The following MARCHF7 variants were observed in gnomAD, a reference collection of about 807,000 sequenced individuals.
MARCHF7 encodes the protein membrane associated ring-CH-type finger 7.
Under a neutral mutation model 76.5 loss-of-function variants are expected in MARCHF7, and 20 were observed. The observed-to-expected ratio is 0.26, with a 90% CI of 0.18 to 0.38. The LOEUF is 0.38. Among genes scored for constraint, MARCHF7 ranks in the 10% least tolerant of loss-of-function variants. The probability of loss-of-function intolerance (pLI) is 1.00; values close to 1 mark genes in which losing one functional copy is unlikely to be tolerated. For synonymous variants in MARCHF7, 295 were observed against 293.0 expected (o/e 1.01, Z -0.07); for missense variants, 797 against 812.9 (o/e 0.98, Z 0.24).
intron 7 of MARCHF7, among the ~76,000 whole-genome samples, chr2:159,751,709 T>G (rs1705668722): frequency 6.6e-6 from 1 of 152,210 alleles, no homozygotes; most frequent in Non-Finnish European, 1.5e-5. Context: ...ACTACTTACC[T>G]TATTATATAA....
chr2:159,754,666 A>AG (rs1335994674), intron 8 of MARCHF7, among the ~76,000 whole-genome samples: 1 of 152,176 alleles, frequency 6.6e-6, no homozygotes, highest in Non-Finnish European at 1.5e-5. Context: ...CGAAAAGAGG[A>AG]GAAAGAAGAT....
In MARCHF7 at chr2:159,748,439, A is replaced by AATATCAGGGATTCTT; in HGVS notation, c.1149_1150insATATCAGGGATTCTT (p.Gly383_Pro384insIleSerGlyIleLeu). On this transcript the variant is annotated inframe_insertion, in exon 7 of 12. Transcript: ENST00000409175. ...AAGAATCTGAAGGTAGAAATACAGG[A>AATATCAGGGATTCTT]CCATGGTTATCTTCCTCACTTAGAA... is the stretch of plus-strand genomic sequence containing the variant. 6.2e-7 allele frequency: 1 copy of AATATCAGGGATTCTT among 1,614,134 alleles called. No individual in the cohort carries two copies.
Position 159,759,241 on chromosome 2 carries a change from C to G in MARCHF7, c.1799C>G (p.Ala600Gly). 6.3e-7 allele frequency: 1 copy of G among 1,595,654 alleles called. No individual in the cohort carries two copies. Among genetic ancestry groups the G allele is most frequent in the Non-Finnish European group, 8.5e-7 (1 of 1,170,176 alleles). Residue 600 changes from alanine to glycine, a missense_variant, in exon 9 of 12, where the codon GCT (alanine) becomes GGT (glycine). Physicochemically the swap from Ala to Gly is moderately conservative, Grantham distance 60. Transcript: ENST00000409175. ...AKINSGSSLE[A>G]VTTCELCKEK... ...TTTTTACCAGGTTCTTCATTAGAAG[C>G]TGTAACCACCTGTGAACTATGTAAA...
intron 4 of MARCHF7, among the ~76,000 whole-genome samples, chr2:159,731,750 G>A (rs982522489): frequency 6.0e-5 from 9 of 149,826 alleles, no homozygotes; most frequent in Non-Finnish European, 1.3e-4. Flanking sequence ...GTGAAACTCC[G>A]TCTCAAAAAA....
At position 159,727,384 on chromosome 2, in the gene MARCHF7, G is replaced by A. The variant is rs914426527; in HGVS notation, c.-14-1625G>A. On this transcript the variant is annotated intron_variant, in intron 3 of 11. Coordinates refer to ENST00000409175, the MANE Select transcript of MARCHF7 (RefSeq NM_001282805.2). The stretch of plus-strand genomic sequence containing the variant: ...GGGCAGATCACGAAGTCAGGAGATC[G>A]AGACCATCCTGGTTAACATGGTGAA... Among the ~76,000 whole-genome samples, 8 of 152,164 alleles carry A rather than the reference G, an allele frequency of 5.3e-5. No homozygotes were observed. In the South Asian group the frequency reaches 1.0e-3, roughly 20 times the overall value.
chr2:159,733,520 G>C, intron 4 of MARCHF7: 2 of 981,840 alleles, frequency 2.0e-6, no homozygotes, highest in Non-Finnish European at 2.4e-6. Flanking sequence ...TTACAGGCAT[G>C]AGCTACTGCA....
At chr2:159,757,047 C>T (rs1706418221) in intron 8 of MARCHF7, among the ~76,000 whole-genome samples, 1 of 152,124 alleles carries the variant, frequency 6.6e-6, no homozygotes, top group Admixed American at 6.5e-5. Context: ...GTGCACACCA[C>T]CACCCCTGGC....
At chr2:159,720,463 T>G (rs1386703747) in intron 3 of MARCHF7, among the ~76,000 whole-genome samples, 1 of 152,244 alleles carries the variant, frequency 6.6e-6, no homozygotes, top group Non-Finnish European at 1.5e-5. Context: ...TCCTGTTCCT[T>G]GCCTGTATTT....
chr2:159,728,766 A>G (rs1702448658), intron 3 of MARCHF7, among the ~76,000 whole-genome samples: 1 of 152,212 alleles, frequency 6.6e-6, no homozygotes, highest in Non-Finnish European at 1.5e-5. Context: ...TGGAAACAAC[A>G]GACCTCAGAG....
chr2:159,719,358 A>T (rs1372964990), intron 3 of MARCHF7, among the ~76,000 whole-genome samples: 1 of 151,812 alleles, frequency 6.6e-6, no homozygotes, highest in Admixed American at 6.6e-5. Flanking sequence ...AAACCAACTA[A>T]TCTTGGTGTG....
chr2:159,733,606 A>C, intron 4 of MARCHF7: 1 of 985,280 alleles, frequency 1.0e-6, no homozygotes, highest in South Asian at 4.7e-5. Context: ...TGGAGACATA[A>C]AACTTCTGTT....
chr2:159,717,089 G>A (rs57820079), intron 3 of MARCHF7, among the ~76,000 whole-genome samples: 11,325 of 152,174 alleles, frequency 0.074, 870 homozygotes, highest in African/African-American at 0.19. Context: ...GGACATATAG[G>A]CCTTACTCTT....
intron 3 of MARCHF7, among the ~76,000 whole-genome samples, chr2:159,727,232 A>G (rs1044078854): frequency 2.0e-5 from 3 of 152,246 alleles, no homozygotes; most frequent in Admixed American, 1.3e-4. Flanking sequence ...CAAATATTGT[A>G]TGATTCCACT....
At position 159,768,163 on chromosome 2, in the gene MARCHF7, C is replaced by G. The variant is rs915074034; in HGVS notation, c.*821C>G. On this transcript the variant is annotated 3_prime_UTR_variant, in exon 12 of 12. Transcript: ENST00000409175. ...AATCCCACATTCAGAGTTTAAAACA[C>G]TGGTTTTCAATGTGTTTTTTAGTGT... 14 of 152,520 alleles carry G rather than the reference C, an allele frequency of 9.2e-5. No individual in the cohort carries two copies. The highest frequency in any genetic ancestry group is 3.1e-4 in the African/African-American group (13 of 41,430). The allele number at this position is 152,520 out of a possible 1,614,324, so 9.4% of individuals were successfully genotyped here. A position where few individuals can be genotyped will look rare whatever the true frequency, so the allele number is the denominator to read the frequency against.
At chr2:159,716,495 C>A (rs1033968996) in intron 3 of MARCHF7, among the ~76,000 whole-genome samples, 1 of 151,898 alleles carries the variant, frequency 6.6e-6, no homozygotes, top group African/African-American at 2.4e-5. Context: ...AAAAAAAATA[C>A]AACAATTAGC....
chr2:159,736,473 G>A (rs1220284789), intron 4 of MARCHF7, among the ~76,000 whole-genome samples: 2 of 151,952 alleles, frequency 1.3e-5, no homozygotes, highest in African/African-American at 4.8e-5. Context: ...CACTTGTCTT[G>A]TTACTCAGTT....
chr2:159,722,258 C>G (rs763819228), intron 3 of MARCHF7, among the ~76,000 whole-genome samples: 5 of 152,160 alleles, frequency 3.3e-5, no homozygotes, highest in Non-Finnish European at 5.9e-5. Flanking sequence ...GTGCCTCAGC[C>G]TCCTGAGTAG....
intron 8 of MARCHF7, among the ~76,000 whole-genome samples, chr2:159,753,441 G>T (rs1705905681): frequency 1.3e-5 from 2 of 151,976 alleles, no homozygotes; most frequent in African/African-American, 4.8e-5. Context: ...CCTGGTGGCG[G>T]GCGCCTGTAG....
chr2:159,748,987 T>TTTC, intron 7 of MARCHF7, 84 bp downstream of exon 7: 7 of 1,232,296 alleles, frequency 5.7e-6, no homozygotes, highest in Admixed American at 3.2e-5. Context: ...TCTTTTTTTT[T>TTTC]TTTTTTTTTG....
Sources: gnomAD v4.1 joint callset for allele counts (sites outside exome capture counted in the v4.1 genomes callset) on GRCh38, gnomAD v4.1.1 for gene constraint, MANE v1.5 for transcripts, NCBI Gene and HGNC (gene_info 2026-07-23, HGNC 2026-07-21) for gene names.